The following ANKRD36C variants were observed in gnomAD, a reference collection of about 807,000 sequenced individuals.
The protein encoded by ANKRD36C is ankyrin repeat domain-containing protein 36C.
A neutral mutation model predicts 276.4 loss-of-function variants in ANKRD36C; 61 were observed. The observed-to-expected ratio is 0.22, with a 90% CI of 0.18 to 0.27. The LOEUF (loss-of-function observed/expected upper bound fraction) is 0.27, where lower values mean the gene tolerates loss of function less well. ANKRD36C is among the 10% of genes least tolerant of loss of function. The pLI, the probability that ANKRD36C is intolerant of heterozygous loss-of-function variation, is 1.00. For missense variants in ANKRD36C, 1,447 were observed against 2,032.3 expected, an observed-to-expected ratio of 0.71 and a Z score of 5.54; for synonymous variants, 483 against 680.1, an observed-to-expected ratio of 0.71 and a Z score of 4.51.
At chr2:95,969,507 C>T (rs62155487) in intron 6 of ANKRD36C, among the ~76,000 whole-genome samples, 48,981 of 151,682 alleles carry the variant, frequency 0.32, 9,181 homozygotes, top group East Asian at 0.48. Context: ...TCCCAGTCTG[C>T]CCAAGATGTG....
intron 6 of ANKRD36C, among the ~76,000 whole-genome samples, chr2:95,964,683 G>A (rs1483188729): frequency 1.3e-5 from 2 of 151,964 alleles, no homozygotes; most frequent in Admixed American, 6.6e-5. Context: ...CACTCACATT[G>A]GTTTGAGTAT....
chr2:95,878,210 A>C (rs1256497561), intron 58 of ANKRD36C, among the ~76,000 whole-genome samples: 1 of 151,676 alleles, frequency 6.6e-6, no homozygotes, highest in East Asian at 1.9e-4. Flanking sequence ...GTGTATAATA[A>C]GCTTTCAATA....
intron 6 of ANKRD36C, among the ~76,000 whole-genome samples, chr2:95,971,120 T>C (rs1678688022): frequency 6.6e-6 from 1 of 152,126 alleles, no homozygotes; most frequent in Non-Finnish European, 1.5e-5. Context: ...TTATCCTTAA[T>C]ATATGACTAT....
intron 6 of ANKRD36C, among the ~76,000 whole-genome samples, chr2:95,976,560 C>G (rs1443421478): frequency 1.3e-5 from 2 of 152,138 alleles, no homozygotes; most frequent in African/African-American, 4.8e-5. Context: ...ACACATTACC[C>G]TTAGGTTTTG....
chr2:95,931,689 T>A (rs1289793980), intron 24 of ANKRD36C, among the ~76,000 whole-genome samples: 1 of 147,926 alleles, frequency 6.8e-6, no homozygotes, highest in Non-Finnish European at 1.5e-5. Flanking sequence ...AGCACTGACA[T>A]AATTTTTTGC....
At chr2:95,975,113 T>G (rs1678781820) in intron 6 of ANKRD36C, among the ~76,000 whole-genome samples, 1 of 152,012 alleles carries the variant, frequency 6.6e-6, no homozygotes, top group Admixed American at 6.6e-5. Context: ...AAACCACTGC[T>G]CAATGAAATA....
intron 6 of ANKRD36C, among the ~76,000 whole-genome samples, chr2:95,976,529 A>T (rs897443764): frequency 1.3e-5 from 2 of 152,202 alleles, no homozygotes; most frequent in African/African-American, 4.8e-5. Flanking sequence ...AGGAGCAGAT[A>T]AGAAGACCAC....
In ANKRD36C at chr2:95,855,250, T is replaced by A. The variant is rs1485401338; in HGVS notation, c.4995+16A>T. 2 of 1,532,352 alleles carry A rather than the reference T, an allele frequency of 1.3e-6. No individual in the cohort carries two copies. Among genetic ancestry groups the A allele is most frequent in the Admixed American group, 4.4e-5 (2 of 45,408 alleles). The allele number at this position is 1,532,352 out of a possible 1,614,324, so 94.9% of individuals were successfully genotyped here. ...TTCAGGAAGTTTGAAAAATACTTAT[T>A]TTTCTTGATACTTACTTCTCTTTCT... On this transcript the variant is annotated intron_variant, in intron 63 of 66. Coordinates refer to ENST00000456556, the Ensembl canonical transcript of ANKRD36C.
chr2:95,921,833 A>G (rs1677280248), intron 32 of ANKRD36C, 23 bp from the exon 33 acceptor site: 1 of 1,587,852 alleles, frequency 6.3e-7, no homozygotes. Context: ...AGGGATAATC[A>G]CTCATATGTA....
exon 8 of ANKRD36C, chr2:95,962,360 G>C (rs903583692): frequency 1.9e-6 from 3 of 1,555,460 alleles, no homozygotes; most frequent in South Asian, 2.4e-5. Context: ...ACCTGTCCCA[G>C]ATTTTTGTCC....
exon 8 of ANKRD36C, chr2:95,962,406 C>A (rs1314422290): frequency 6.4e-7 from 1 of 1,570,176 alleles, no homozygotes; most frequent in Non-Finnish European, 8.6e-7. Context: ...GAGATAGAAT[C>A]TTCCTTGCCA....
chr2:95,888,747 C>G (rs902257375), intron 48 of ANKRD36C, among the ~76,000 whole-genome samples: 1 of 151,602 alleles, frequency 6.6e-6, no homozygotes, highest in Admixed American at 6.6e-5. Flanking sequence ...CTCGTTTAGC[C>G]TTCTGAAAGT....
At chr2:95,871,115 T>G (rs1302593563) in intron 59 of ANKRD36C, among the ~76,000 whole-genome samples, 1 of 152,058 alleles carries the variant, frequency 6.6e-6, no homozygotes, top group African/African-American at 2.4e-5. Flanking sequence ...CAGGAGAATT[T>G]CCCCAATCTA....
chr2:95,921,526 C>A (rs1481770187), intron 34 of ANKRD36C, 81 bp downstream of exon 34: 1 of 1,530,048 alleles, frequency 6.5e-7, no homozygotes, highest in Non-Finnish European at 8.8e-7. Flanking sequence ...CCCCCACCTG[C>A]CCTCCACTGA....
chr2:95,934,867 C>A (rs542704649), intron 24 of ANKRD36C, among the ~76,000 whole-genome samples: 1 of 152,430 alleles, frequency 6.6e-6, no homozygotes, highest in East Asian at 1.9e-4. Flanking sequence ...GCTTTAAAAC[C>A]CTGTATCTAC....
intron 1 of ANKRD36C, among the ~76,000 whole-genome samples, chr2:95,990,970 T>C (rs1679126644): frequency 1.3e-5 from 2 of 151,986 alleles, no homozygotes; most frequent in Admixed American, 1.3e-4. Flanking sequence ...GCATGGTGAG[T>C]GATTGGAAAC....
chr2:95,969,233 C>G (rs892180624), intron 6 of ANKRD36C, among the ~76,000 whole-genome samples: 1 of 152,192 alleles, frequency 6.6e-6, no homozygotes, highest in Non-Finnish European at 1.5e-5. Context: ...CTGAAGCCAT[C>G]TGGAGGCTGC....
exon 48 of ANKRD36C, chr2:95,889,854 T>A (rs759463067): frequency 9.4e-6 from 15 of 1,604,018 alleles, no homozygotes; most frequent in Non-Finnish European, 1.3e-5. Flanking sequence ...GAACAGAATT[T>A]TCCTTGTCAC....
chr2:95,912,636 T>C (rs1320573328), intron 40 of ANKRD36C, among the ~76,000 whole-genome samples: 1 of 151,352 alleles, frequency 6.6e-6, no homozygotes, highest in African/African-American at 2.4e-5. Context: ...AATATACCCT[T>C]ACAATTTCAA....
Sources: allele counts gnomAD v4.1 joint callset (sites outside exome capture counted in the v4.1 genomes callset), GRCh38; gene constraint gnomAD v4.1.1; transcripts MANE v1.5; gene names NCBI Gene and HGNC (gene_info 2026-07-23, HGNC 2026-07-21).